Variants in TMEM164 observed in about 807,000 individuals in gnomAD.
TMEM164 encodes transmembrane protein 164, also known as RP13-360B22.2.
Under a neutral mutation model 18.8 loss-of-function variants are expected in TMEM164, and 4 were observed. The ratio of observed to expected loss-of-function variants is 0.21; its 90% confidence interval spans 0.10 to 0.49. The LOEUF is 0.49. Among genes scored for constraint, TMEM164 ranks in the 20% least tolerant of loss-of-function variants. The probability of loss-of-function intolerance (pLI) is 0.98; values close to 1 mark genes in which losing one functional copy is unlikely to be tolerated. For missense variants in TMEM164, 108 were observed against 239.9 expected (o/e 0.45, Z 3.63); for synonymous variants, 86 against 101.7 (o/e 0.85, Z 0.93).
At chrX:110,068,248 A>G (rs1400216529) in intron 3 of TMEM164, among the ~76,000 whole-genome samples, 1 of 111,890 alleles carries the variant, frequency 8.9e-6, no homozygotes, top group Non-Finnish European at 1.9e-5. Flanking sequence ...AAAGGACCCC[A>G]TTTGCTGCTT....
intron 2 of TMEM164, among the ~76,000 whole-genome samples, chrX:110,044,893 G>C (rs137889254): frequency 1.8e-5 from 2 of 110,974 alleles, no homozygotes; most frequent in Non-Finnish European, 3.8e-5. Context: ...GAGAAAAGAA[G>C]GCTATCTGGG....
chrX:110,078,774 G>T (rs1309723175), intron 3 of TMEM164, among the ~76,000 whole-genome samples: 1 of 111,940 alleles, frequency 8.9e-6, no homozygotes, highest in Non-Finnish European at 1.9e-5. Context: ...AGCCGAGATT[G>T]TGCCATTGCA....
Position 110,053,054 on chromosome X carries a change from A to G in TMEM164, c.391-14293A>G, listed in dbSNP as rs1184818446. Among the ~76,000 whole-genome samples, 8 of 111,743 alleles carry G rather than the reference A, an allele frequency of 7.2e-5. No individual in the cohort carries two copies. In the Admixed American group the frequency reaches 7.6e-4, roughly 11 times the overall value. On this transcript the variant is annotated intron_variant, in intron 2 of 6. Coordinates refer to ENST00000372068, the MANE Select transcript of TMEM164 (RefSeq NM_032227.4). ...GCGTGAGCCACCATGCCTGGCCTAC[A>G]TGCATCATTTTTTAAAACAGTGATT...
intron 2 of TMEM164, among the ~76,000 whole-genome samples, chrX:110,029,227 T>C (rs1406741022): frequency 8.9e-6 from 1 of 111,928 alleles, no homozygotes; most frequent in Non-Finnish European, 1.9e-5. Context: ...GAGGCTTTTG[T>C]CGTTATTGAA....
chrX:110,035,293 G>T (rs1184423420), intron 2 of TMEM164, among the ~76,000 whole-genome samples: 1 of 110,155 alleles, frequency 9.1e-6, no homozygotes, highest in African/African-American at 3.3e-5. Context: ...CCACAAAAAT[G>T]TTAACATTTT....
At chrX:110,012,807 G>A (rs1933086160) in intron 2 of TMEM164, among the ~76,000 whole-genome samples, 1 of 112,376 alleles carries the variant, frequency 8.9e-6, no homozygotes, top group South Asian at 3.6e-4. Flanking sequence ...CAAGGCACTT[G>A]GACCTGTTAC....
intron 3 of TMEM164, among the ~76,000 whole-genome samples, chrX:110,078,559 C>T (rs771706022): frequency 8.9e-6 from 1 of 111,769 alleles, no homozygotes; most frequent in South Asian, 3.8e-4. Flanking sequence ...TGGCTCACAC[C>T]TTAATCCCAG....
At chrX:110,146,663 G>A (rs938766071) in intron 5 of TMEM164, among the ~76,000 whole-genome samples, 9 of 111,846 alleles carry the variant, frequency 8.0e-5, no homozygotes, top group Non-Finnish European at 1.3e-4. Context: ...GAAGTTGATG[G>A]GCCCCAGTAC....
intron 3 of TMEM164, among the ~76,000 whole-genome samples, chrX:110,077,222 C>G (rs1225210463): frequency 2.7e-5 from 3 of 111,709 alleles, no homozygotes; most frequent in Non-Finnish European, 5.7e-5. Context: ...CTTATTTGTC[C>G]TTTTTTACTG....
intron 2 of TMEM164, among the ~76,000 whole-genome samples, chrX:110,061,899 T>C (rs1221980556): frequency 9.0e-6 from 1 of 111,647 alleles, no homozygotes; most frequent in Non-Finnish European, 1.9e-5. Context: ...GGAAAAACCA[T>C]CTGGAAGAGG....
At chrX:110,016,307 T>C (rs1056001687) in intron 2 of TMEM164, among the ~76,000 whole-genome samples, 4 of 112,578 alleles carry the variant, frequency 3.6e-5, no homozygotes, top group Non-Finnish European at 7.5e-5. Flanking sequence ...TTGCCACTTG[T>C]ATTTTCTCTT....
chrX:110,095,659 G>A (rs923586636), intron 3 of TMEM164, among the ~76,000 whole-genome samples: 2 of 112,116 alleles, frequency 1.8e-5, no homozygotes, highest in South Asian at 3.6e-4. Context: ...TGTTATTACC[G>A]ATCGTCTGAA....
intron 2 of TMEM164, among the ~76,000 whole-genome samples, chrX:110,044,956 A>C (rs914297247): frequency 6.3e-5 from 7 of 111,641 alleles, no homozygotes; most frequent in Non-Finnish European, 1.1e-4. Flanking sequence ...GTTGCTGTCA[A>C]AATAGCTTGC....
intron 3 of TMEM164, among the ~76,000 whole-genome samples, chrX:110,091,469 C>A (rs1569324019): frequency 1.8e-5 from 2 of 112,237 alleles, no homozygotes. Flanking sequence ...GGATGATGAG[C>A]ATTTTTTCAT....
At chrX:110,055,706 A>G (rs1006458102) in intron 2 of TMEM164, among the ~76,000 whole-genome samples, 2 of 111,412 alleles carry the variant, frequency 1.8e-5, no homozygotes, top group African/African-American at 6.5e-5. Context: ...CATAGGAGGG[A>G]GCATTTGAAC....
chrX:110,176,116 G>T lies in TMEM164; in HGVS notation c.*2665G>T, dbSNP rs1350596148. On this transcript the variant is annotated 3_prime_UTR_variant, in exon 7 of 7. Transcript: ENST00000372068. ...TTGCCAGCGTGTGGGAGCTCTGCGCGTGTGTGAGGGTGTTTGTAGAAGAGG... is the reference window on the plus strand; with the variant it reads ...TTGCCAGCGTGTGGGAGCTCTGCGCTTGTGTGAGGGTGTTTGTAGAAGAGG... 19 of 755,184 alleles carry T rather than the reference G, an allele frequency of 2.5e-5. No homozygotes were observed. The highest frequency in any genetic ancestry group is 2.8e-5 in the Non-Finnish European group (18 of 639,434). 62.2% of individuals were successfully genotyped at this position (755,184 alleles called of 1,213,427 possible). A position where few individuals can be genotyped will look rare whatever the true frequency, so the allele number is the denominator to read the frequency against.
At chrX:110,151,996 T>C (rs190039622) in intron 5 of TMEM164, among the ~76,000 whole-genome samples, 4 of 111,200 alleles carry the variant, frequency 3.6e-5, no homozygotes, top group Admixed American at 9.5e-5. Context: ...TAATGTTTTA[T>C]TCTTGCCATG....
chrX:110,068,377 AG>A (rs974659930), intron 3 of TMEM164, among the ~76,000 whole-genome samples: 3 of 112,408 alleles, frequency 2.7e-5, no homozygotes, highest in Non-Finnish European at 5.6e-5. Flanking sequence ...CCTAAAGGAA[AG>A]GGGTATTTAA....
At chrX:110,085,120 T>A (rs947989500) in intron 3 of TMEM164, among the ~76,000 whole-genome samples, 6 of 109,362 alleles carry the variant, frequency 5.5e-5, no homozygotes, top group Admixed American at 4.0e-4. Flanking sequence ...CAGAGTGATA[T>A]GCATTTTCCT....
Sources: allele counts gnomAD v4.1 joint callset (sites outside exome capture counted in the v4.1 genomes callset), GRCh38; gene constraint gnomAD v4.1.1; transcripts MANE v1.5; gene names NCBI Gene and HGNC (gene_info 2026-07-23, HGNC 2026-07-21).